KIF6: variants seen among roughly 807,000 people sequenced by gnomAD.
KIF6 encodes the protein kinesin family member 6.
KIF6 carries 106 observed loss-of-function variants against 112.7 expected under a neutral mutation model. The observed-to-expected ratio is 0.94, with a 90% confidence interval of 0.80 to 1.11. The LOEUF (loss-of-function observed/expected upper bound fraction) is 1.11. Among genes scored for constraint, KIF6 ranks in the 50% least tolerant of loss-of-function variants. The pLI is 0.00. For missense variants in KIF6, 929 were observed against 964.0 expected, an observed-to-expected ratio of 0.96 and a Z score of 0.48; for synonymous variants, 339 against 339.9, an observed-to-expected ratio of 1.00 and a Z score of 0.03.
intron 13 of KIF6, among the ~76,000 whole-genome samples, chr6:39,461,293 A>T (rs1355841128): frequency 6.6e-6 from 1 of 152,132 alleles, no homozygotes; most frequent in African/African-American, 2.4e-5. Flanking sequence ...GACCTACGAG[A>T]GGAGAAGTGT....
At chr6:39,571,068 A>G (rs1780613024) in intron 10 of KIF6, among the ~76,000 whole-genome samples, 1 of 152,176 alleles carries the variant, frequency 6.6e-6, no homozygotes, top group Non-Finnish European at 1.5e-5. Flanking sequence ...CCAGAATTCA[A>G]TCTGTGTATT....
intron 3 of KIF6, among the ~76,000 whole-genome samples, chr6:39,686,478 G>C (rs1234535081): frequency 3.0e-5 from 4 of 132,308 alleles, no homozygotes; most frequent in African/African-American, 1.0e-4. Flanking sequence ...TTCAGAATAA[G>C]TCTTAAATAC....
chr6:39,523,391 C>T (rs888561686), intron 13 of KIF6, among the ~76,000 whole-genome samples: 20 of 151,948 alleles, frequency 1.3e-4, no homozygotes, highest in South Asian at 1.0e-3. Context: ...AAAGCCAGAA[C>T]GGCTCCCTAC....
intron 14 of KIF6, among the ~76,000 whole-genome samples, chr6:39,426,151 A>G (rs1398559045): frequency 1.3e-5 from 2 of 152,204 alleles, no homozygotes; most frequent in East Asian, 3.8e-4. Flanking sequence ...GGGCACTGGT[A>G]TTTGCCAAGC....
intron 13 of KIF6, among the ~76,000 whole-genome samples, chr6:39,531,444 C>T (rs1014313730): frequency 2.0e-5 from 3 of 152,090 alleles, no homozygotes; most frequent in African/African-American, 7.2e-5. Flanking sequence ...AAAGGCCTGG[C>T]ACACAACAAG....
intron 13 of KIF6, among the ~76,000 whole-genome samples, chr6:39,454,469 C>T (rs1463236809): frequency 6.6e-6 from 1 of 150,748 alleles, no homozygotes; most frequent in Non-Finnish European, 1.5e-5. Context: ...CACAATAAAT[C>T]CTGATCAGGA....
intron 13 of KIF6, among the ~76,000 whole-genome samples, chr6:39,498,063 G>T (rs1023341162): frequency 6.6e-6 from 1 of 152,086 alleles, no homozygotes; most frequent in African/African-American, 2.4e-5. Flanking sequence ...TGCCTGTAGT[G>T]GGGCCCATGT....
chr6:39,669,315 A>G (rs976479173), intron 3 of KIF6, among the ~76,000 whole-genome samples: 19 of 152,194 alleles, frequency 1.2e-4, no homozygotes, highest in African/African-American at 4.3e-4. Context: ...AATGGCTAAA[A>G]TCATTCAAAG....
At chr6:39,626,773 C>A (rs1294599654) in intron 5 of KIF6, among the ~76,000 whole-genome samples, 1 of 152,078 alleles carries the variant, frequency 6.6e-6, no homozygotes, top group Non-Finnish European at 1.5e-5. Flanking sequence ...GATGTTTATT[C>A]AAACATGTGA....
At chr6:39,552,691 T>C (rs1779454474) in intron 10 of KIF6, among the ~76,000 whole-genome samples, 1 of 152,158 alleles carries the variant, frequency 6.6e-6, no homozygotes, top group Non-Finnish European at 1.5e-5. Context: ...AACAACATAG[T>C]TAATGAGAAT....
chr6:39,559,263 A>G (rs573593712), intron 10 of KIF6, among the ~76,000 whole-genome samples: 10 of 152,302 alleles, frequency 6.6e-5, no homozygotes, highest in African/African-American at 1.7e-4. Context: ...ATATGAATTC[A>G]GGACTAAGTT....
chr6:39,556,928 T>C (rs569351035), intron 10 of KIF6, among the ~76,000 whole-genome samples: 1 of 152,200 alleles, frequency 6.6e-6, no homozygotes, highest in Non-Finnish European at 1.5e-5. Flanking sequence ...GGTTCTGTCT[T>C]GTATGAAATT....
At chr6:39,638,585 G>A (rs1402073405) in intron 4 of KIF6, among the ~76,000 whole-genome samples, 1 of 152,010 alleles carries the variant, frequency 6.6e-6, no homozygotes, top group Non-Finnish European at 1.5e-5. Context: ...CTGAACTAAT[G>A]GATAATTGCT....
Position 39,545,668 on chromosome 6 carries a change from G to A in KIF6, c.1202C>T (p.Ser401Phe). Residue 401 changes from serine (S) to phenylalanine (F), a missense_variant, in exon 11 of 23, where the codon TCC (serine) becomes TTC (phenylalanine). Transcript: ENST00000287152. ...GTCTGAATCCTGGTCTTCCAAAAAG[G>A]ATGTTATTAGTTTTTCCAGCCTAAA... ...ELLQLEKLIT[S>F]FLEDQDSDSR... 1 of 1,612,654 alleles carries A rather than the reference G, an allele frequency of 6.2e-7. No individual in the cohort carries two copies. The highest frequency in any genetic ancestry group is 8.5e-7 in the Non-Finnish European group (1 of 1,178,832).
intron 6 of KIF6, among the ~76,000 whole-genome samples, chr6:39,606,339 A>G (rs1189697577): frequency 2.0e-5 from 3 of 152,134 alleles, no homozygotes; most frequent in Non-Finnish European, 4.4e-5. Context: ...TTTAAATAAC[A>G]TACTTAAGAT....
chr6:39,650,726 T>C (rs533899928), intron 3 of KIF6, among the ~76,000 whole-genome samples: 20 of 152,116 alleles, frequency 1.3e-4, no homozygotes, highest in South Asian at 1.0e-3. Flanking sequence ...GTGGGAGAAA[T>C]TCATTGTCTA....
chr6:39,577,288 T>C (rs1781025501), intron 10 of KIF6, among the ~76,000 whole-genome samples: 1 of 152,164 alleles, frequency 6.6e-6, no homozygotes, highest in South Asian at 2.1e-4. Flanking sequence ...ACTTTTATTC[T>C]CTCTCTAATT....
At chr6:39,410,996 G>C (rs1374830398) in intron 15 of KIF6, among the ~76,000 whole-genome samples, 1 of 152,190 alleles carries the variant, frequency 6.6e-6, no homozygotes, top group Admixed American at 6.5e-5. Flanking sequence ...GCTTAAGCCT[G>C]CCAGCAGCTA....
intron 15 of KIF6, among the ~76,000 whole-genome samples, chr6:39,402,548 T>C (rs887942016): frequency 1.3e-5 from 2 of 152,230 alleles, no homozygotes; most frequent in African/African-American, 4.8e-5. Context: ...TCAATTTTGC[T>C]GGCTTGGCCA....
Sources: gnomAD v4.1 joint callset for allele counts (sites outside exome capture counted in the v4.1 genomes callset) on GRCh38, gnomAD v4.1.1 for gene constraint, MANE v1.5 for transcripts, NCBI Gene and HGNC (gene_info 2026-07-23, HGNC 2026-07-21) for gene names.